The following CACNA1C variants were observed in gnomAD, a reference collection of about 807,000 sequenced individuals.
CACNA1C encodes the protein calcium voltage-gated channel subunit alpha1 C.
Under a neutral mutation model 229.0 loss-of-function variants are expected in CACNA1C, and 30 were observed. The observed-to-expected ratio is 0.13, with a 90% CI of 0.10 to 0.18. The LOEUF (loss-of-function observed/expected upper bound fraction) is 0.18. Among genes scored for constraint, CACNA1C ranks in the 10% least tolerant of loss-of-function variants. The probability of loss-of-function intolerance (pLI) is 1.00; values close to 1 mark genes in which losing one functional copy is unlikely to be tolerated. For synonymous variants in CACNA1C, 1,114 were observed against 1,132.5 expected, an observed-to-expected ratio of 0.98 and a Z score of 0.33; for missense variants, 1,658 against 2,845.0, an observed-to-expected ratio of 0.58 and a Z score of 9.49.
At chr12:2,272,664 T>C (rs942278122) in intron 3 of CACNA1C, among the ~76,000 whole-genome samples, 3 of 152,214 alleles carry the variant, frequency 2.0e-5, no homozygotes, top group Non-Finnish European at 2.9e-5. Flanking sequence ...TTGATTTGCT[T>C]TGTTGTTCTT....
intron 3 of CACNA1C, among the ~76,000 whole-genome samples, chr12:2,418,538 G>C (rs945488376): frequency 2.0e-5 from 3 of 151,644 alleles, no homozygotes; most frequent in Non-Finnish European, 3.0e-5. Flanking sequence ...ATGAGTGTTT[G>C]AGTGAGGAGA....
intron 2 of CACNA1C, among the ~76,000 whole-genome samples, chr12:2,118,357 G>A (rs908424042): frequency 5.9e-5 from 9 of 152,216 alleles, no homozygotes; most frequent in African/African-American, 2.2e-4. Flanking sequence ...TGGGCTCGGT[G>A]TCACTTTCCT....
chr12:2,100,941 G>T (rs2076163053), intron 1 of CACNA1C, among the ~76,000 whole-genome samples: 1 of 149,752 alleles, frequency 6.7e-6, no homozygotes, highest in African/African-American at 2.5e-5. Flanking sequence ...AGTCGTGGCT[G>T]CAGTGAGCCG....
At position 2,135,753 on chromosome 12, in the gene CACNA1C, T is replaced by A. The variant is rs1159626650; in HGVS notation, c.477+15323T>A. Among the ~76,000 whole-genome samples the A allele has an allele frequency of 4.1e-5, 6 of 146,504 alleles. 1 individual carries two copies. The highest frequency in any genetic ancestry group is 1.6e-4 in the African/African-American group (6 of 37,468). ...TTTAAGTCTGCAGAAGTTACTGCTGTCTTTTTGTTTGTCTGTGCCCTGCCC... is the reference window on the plus strand; with the variant it reads ...TTTAAGTCTGCAGAAGTTACTGCTGACTTTTTGTTTGTCTGTGCCCTGCCC... On this transcript the variant is annotated intron_variant, in intron 3 of 46. Transcript: ENST00000399655.
At chr12:2,251,651 G>C (rs1600733168) in intron 3 of CACNA1C, among the ~76,000 whole-genome samples, 1 of 152,236 alleles carries the variant, frequency 6.6e-6, no homozygotes, top group East Asian at 1.9e-4. Context: ...CTAATGGTTA[G>C]AGAAATAAAT....
chr12:2,485,656 A>G (rs2099694704), intron 5 of CACNA1C, among the ~76,000 whole-genome samples: 1 of 152,044 alleles, frequency 6.6e-6, no homozygotes. Context: ...AACTGTCATC[A>G]CCATCCAGCT....
chr12:2,667,325 C>T (rs924995088), intron 37 of CACNA1C, among the ~76,000 whole-genome samples: 1 of 152,172 alleles, frequency 6.6e-6, no homozygotes, highest in Non-Finnish European at 1.5e-5. Context: ...CCATTCCGTG[C>T]TCCTTGTTGG....
chr12:2,129,073 A>G (rs1024988095), intron 3 of CACNA1C, among the ~76,000 whole-genome samples: 1 of 152,212 alleles, frequency 6.6e-6, no homozygotes. Flanking sequence ...TTTCCCACTC[A>G]TACCATCACA....
chr12:2,152,589 C>T lies in CACNA1C; in HGVS notation c.477+32159C>T, dbSNP rs375403230. On this transcript the variant is annotated intron_variant, in intron 3 of 46. Coordinates refer to ENST00000399655, the MANE Select transcript of CACNA1C (RefSeq NM_000719.7). The surrounding 1 kb of genome is among the most constrained non-coding windows in gnomAD (Gnocchi z 4.2). ...GAAGTAAATGTCTCTCATGGGGAATCCCTGTTGTTTTGGTCTCTGTCAACC... is the reference window on the plus strand; with the variant it reads ...GAAGTAAATGTCTCTCATGGGGAATTCCTGTTGTTTTGGTCTCTGTCAACC... Among the ~76,000 whole-genome samples, 16 of 152,176 alleles carry T rather than the reference C, an allele frequency of 1.1e-4. No individual in the cohort carries two copies. The South Asian group carries it at 2.5e-3, about 24-fold the overall frequency.
intron 3 of CACNA1C, among the ~76,000 whole-genome samples, chr12:2,173,634 T>G (rs1025012158): frequency 5.3e-5 from 8 of 152,044 alleles, no homozygotes; most frequent in Non-Finnish European, 1.0e-4. Context: ...GGAGCGGGAC[T>G]CCCTTTCTCC....
At chr12:2,065,179 C>T (rs953634630) in intron 1 of CACNA1C, among the ~76,000 whole-genome samples, 2 of 152,128 alleles carry the variant, frequency 1.3e-5, no homozygotes, top group Admixed American at 1.3e-4. Context: ...CCTGGGGATT[C>T]GAGCTATACA....
rs1009995566 is a variant in CACNA1C at position 2,319,221 on chromosome 12, C to G, written c.478-129755C>G. Reference sequence around the variant, plus strand: ...TCCCCTGCCCTGTCCTGGCAGTGTACATGATGAGCAGCTTACATGATGTGT... The same window carrying G: ...TCCCCTGCCCTGTCCTGGCAGTGTAGATGATGAGCAGCTTACATGATGTGT... On this transcript the variant is annotated intron_variant, in intron 3 of 46. Coordinates refer to ENST00000399655, the MANE Select transcript of CACNA1C (RefSeq NM_000719.7). This position sits in a 1 kb window ranked among gnomAD's most constrained non-coding sequence, Gnocchi z 4.0. 2.6e-5 allele frequency among the ~76,000 whole-genome samples: 4 copies of G among 152,058 alleles called. No homozygotes were observed. Among genetic ancestry groups the G allele is most frequent in the Admixed American group, 2.0e-4 (3 of 15,276 alleles).
chr12:2,569,949 G>C (rs566492165), intron 13 of CACNA1C, among the ~76,000 whole-genome samples: 2 of 152,180 alleles, frequency 1.3e-5, no homozygotes, highest in Non-Finnish European at 2.9e-5. Flanking sequence ...ATTCTCACAA[G>C]CATCGTTTTT....
At chr12:2,641,553 C>T in intron 30 of CACNA1C, 1 of 610,138 alleles carries the variant, frequency 1.6e-6, no homozygotes, top group Non-Finnish European at 3.0e-6. Context: ...CTCGGAGTCC[C>T]TTCCAGCTTC....
At chr12:2,471,500 T>C (rs150688074) in intron 5 of CACNA1C, among the ~76,000 whole-genome samples, 89 of 152,330 alleles carry the variant, frequency 5.8e-4, no homozygotes, top group African/African-American at 1.8e-3. Context: ...ATTTCTATAA[T>C]GTAGGTCTGC....
At chr12:2,690,689 T>C in intron 46 of CACNA1C, 1 of 532,434 alleles carries the variant, frequency 1.9e-6, no homozygotes, top group Admixed American at 3.4e-5. Flanking sequence ...CCAAAACTTC[T>C]CTGGCCTGCA....
chr12:2,304,257 G>A (rs1282691069), intron 3 of CACNA1C, among the ~76,000 whole-genome samples: 2 of 152,118 alleles, frequency 1.3e-5, no homozygotes, highest in Non-Finnish European at 2.9e-5. Flanking sequence ...GAGGTGGAGG[G>A]CTTGAGGAGG....
In CACNA1C at chr12:2,602,164, G is replaced by A. The variant is rs1248929240; in HGVS notation, c.2960+204G>A. Among the ~76,000 whole-genome samples the A allele has an allele frequency of 6.6e-6, 1 of 152,216 alleles. No homozygotes were observed. The highest frequency in any genetic ancestry group is 6.5e-5 in the Admixed American group (1 of 15,284). On this transcript the variant is annotated intron_variant, in intron 22 of 46. Transcript: ENST00000399655. This position sits in a 1 kb window ranked among gnomAD's most constrained non-coding sequence, Gnocchi z 4.4. ...GATACTTGGGGCACGTTGATCAGGT[G>A]AGAATATGTTTAATTATCTGGGTTT...
intron 5 of CACNA1C, among the ~76,000 whole-genome samples, chr12:2,466,693 C>A (rs1003758045): frequency 7.9e-5 from 12 of 152,206 alleles, no homozygotes; most frequent in African/African-American, 2.9e-4. Flanking sequence ...GAGGACCCAG[C>A]CTCCAGCCCT....
Sources: gnomAD v4.1 joint callset for allele counts (sites outside exome capture counted in the v4.1 genomes callset) on GRCh38, gnomAD v4.1.1 for gene constraint, Gnocchi (gnomAD v3.1) non-coding constraint, MANE v1.5 for transcripts, NCBI Gene and HGNC (gene_info 2026-07-23, HGNC 2026-07-21) for gene names.